CA2: variants seen among roughly 807,000 people sequenced by gnomAD.
CA2 encodes carbonate dehydratase II.
A neutral mutation model predicts 27.8 loss-of-function variants in CA2; 23 were observed. That is an observed-to-expected ratio of 0.83 (90% CI 0.59 to 1.17). CA2 has a LOEUF of 1.17. CA2 is among the 50% of genes most tolerant of loss of function. CA2 has a pLI of 0.00. For synonymous variants in CA2, 99 were observed against 114.9 expected, an observed-to-expected ratio of 0.86 and a Z score of 0.88; for missense variants, 300 against 314.7, an observed-to-expected ratio of 0.95 and a Z score of 0.35.
chr8:85,478,591 C>T (rs1328185872), intron 6 of CA2, among the ~76,000 whole-genome samples: 1 of 152,162 alleles, frequency 6.6e-6, no homozygotes, highest in East Asian at 1.9e-4. Context: ...GGCAGAAATA[C>T]ACATATAGAT....
chr8:85,476,994 A>G (rs1811810835), intron 5 of CA2, 126 bp from the exon 6 acceptor site: 1 of 867,666 alleles, frequency 1.2e-6, no homozygotes, highest in Non-Finnish European at 2.0e-6. Flanking sequence ...TGAATATAGA[A>G]CCTCTTTTTT....
intron 6 of CA2, 57 bp from the exon 7 acceptor site, chr8:85,480,613 A>G (rs1563436716): frequency 5.8e-6 from 9 of 1,544,544 alleles, no homozygotes; most frequent in Non-Finnish European, 8.0e-6. Flanking sequence ...TAACACAAGT[A>G]TATAACTGAA....
At position 85,468,799 on chromosome 8, in the gene CA2, C is replaced by A. The variant is rs188575522; in HGVS notation, c.232+3330C>A. Among the ~76,000 whole-genome samples the A allele has an allele frequency of 4.6e-4, 69 of 150,758 alleles. 2 individuals are homozygous for A. Among genetic ancestry groups the A allele is most frequent in the Admixed American group, 3.5e-3 (53 of 15,144 alleles). On this transcript the variant is annotated intron_variant, in intron 2 of 6. Coordinates refer to ENST00000285379, the MANE Select transcript of CA2 (RefSeq NM_000067.3). ...ACAAAAAACCACACACACACACACA[C>A]AAAACCATGTGGAAAAACTCCCTTT...
intron 4 of CA2, 73 bp downstream of exon 4, chr8:85,474,489 A>T: frequency 9.0e-7 from 1 of 1,109,464 alleles, no homozygotes; most frequent in Non-Finnish European, 1.4e-6. Context: ...TTTGTAACAT[A>T]CAGGACATTC....
At chr8:85,478,825 A>G (rs1474517480) in intron 6 of CA2, among the ~76,000 whole-genome samples, 10 of 152,200 alleles carry the variant, frequency 6.6e-5, no homozygotes, top group Admixed American at 2.0e-4. Context: ...GGCCTTGCCA[A>G]TTGGTGACTT....
intron 5 of CA2, among the ~76,000 whole-genome samples, chr8:85,476,387 G>A (rs80207957): frequency 0.017 from 2,612 of 152,178 alleles, 37 homozygotes; most frequent in South Asian, 0.034. Context: ...AGTCACTTCC[G>A]GTGATGGGGA....
Position 85,474,798 on chromosome 8 carries a change from C to T in CA2, c.444+382C>T, listed in dbSNP as rs544289864. On this transcript the variant is annotated intron_variant, in intron 4 of 6. Transcript: ENST00000285379. ...ATTTCAGGCAACAGTGGGACAGAACCGGTTGAGCTGCCCTCTAAACAGTGG... is the reference window on the plus strand; with the variant it reads ...ATTTCAGGCAACAGTGGGACAGAACTGGTTGAGCTGCCCTCTAAACAGTGG... Among the ~76,000 whole-genome samples, 5 of 152,178 alleles carry T rather than the reference C, an allele frequency of 3.3e-5. No individual in the cohort carries two copies. In the East Asian group the frequency reaches 5.8e-4, roughly 18 times the overall value.
chr8:85,473,428 A>G lies in CA2; in HGVS notation c.233-265A>G, dbSNP rs371843307. 231 of 572,754 alleles carry G rather than the reference A, an allele frequency of 4.0e-4. 2 individuals carry two copies. Among genetic ancestry groups the G allele is most frequent in the South Asian group, 3.1e-3 (203 of 65,658 alleles). 35.5% of individuals were successfully genotyped at this position (572,754 alleles called of 1,614,324 possible). A position where few individuals can be genotyped will look rare whatever the true frequency, so the allele number is the denominator to read the frequency against. ...ATGCTCAGAAAGAAAGATGTGAAAA[A>G]CATCCATTCTCCAGACAACGCATGT... is the stretch of plus-strand genomic sequence containing the variant. On this transcript the variant is annotated intron_variant, in intron 2 of 6. Transcript: ENST00000285379.
At chr8:85,474,959 A>G (rs1463908886) in intron 4 of CA2, among the ~76,000 whole-genome samples, 1 of 152,134 alleles carries the variant, frequency 6.6e-6, no homozygotes, top group Non-Finnish European at 1.5e-5. Flanking sequence ...CCAGGGAGCA[A>G]TCCTGAGAAA....
At chr8:85,465,224 G>T in intron 1 of CA2, 48 bp from the exon 2 acceptor site, 3 of 1,465,168 alleles carry the variant, frequency 2.0e-6, no homozygotes, top group Non-Finnish European at 1.9e-6. Context: ...AGGGGTCTGG[G>T]TGTACCTTTC....
chr8:85,473,399 C>T, intron 2 of CA2: 1 of 513,128 alleles, frequency 1.9e-6, no homozygotes, highest in Non-Finnish European at 3.8e-6. Flanking sequence ...AAAAAGGAAT[C>T]AGTATGCTCA....
Position 85,480,351 on chromosome 8 carries a change from A to G in CA2, c.664-319A>G, listed in dbSNP as rs935649088. Among the ~76,000 whole-genome samples the G allele has an allele frequency of 3.9e-5, 6 of 151,960 alleles. No individual in the cohort carries two copies. In the South Asian group the frequency reaches 8.3e-4, roughly 21 times the overall value. ...TCAGCTCATTGCAATCTCTGCCTCC[A>G]GGGTTTAAATGATTCTTGTGCCTTA... is the stretch of plus-strand genomic sequence containing the variant. On this transcript the variant is annotated intron_variant, in intron 6 of 6. Coordinates refer to ENST00000285379, the MANE Select transcript of CA2 (RefSeq NM_000067.3).
At chr8:85,477,571 A>T (rs1285526957) in intron 6 of CA2, among the ~76,000 whole-genome samples, 1 of 149,666 alleles carries the variant, frequency 6.7e-6, no homozygotes, top group Non-Finnish European at 1.5e-5. Flanking sequence ...AGTTATGAGG[A>T]AACTAAGGCT....
At chr8:85,467,564 CT>C (rs1390517612) in intron 2 of CA2, among the ~76,000 whole-genome samples, 3 of 152,218 alleles carry the variant, frequency 2.0e-5, no homozygotes, top group Non-Finnish European at 4.4e-5. Context: ...TCTGAATAAA[CT>C]TTTTCTTTAA....
chr8:85,473,438 T>C, intron 2 of CA2: 1 of 594,630 alleles, frequency 1.7e-6, no homozygotes, highest in South Asian at 1.5e-5. Flanking sequence ...ACATCCATTC[T>C]CCAGACAACG....
At chr8:85,472,485 T>C (rs1360990254) in intron 2 of CA2, among the ~76,000 whole-genome samples, 1 of 152,180 alleles carries the variant, frequency 6.6e-6, no homozygotes, top group Non-Finnish European at 1.5e-5. Flanking sequence ...TTGTAGCCGA[T>C]GGATGTGATT....
At chr8:85,464,239 G>C (rs1044656742) in intron 1 of CA2, 124 bp downstream of exon 1, 84 of 857,362 alleles carry the variant, frequency 9.8e-5, no homozygotes, top group Middle Eastern at 6.4e-4. Flanking sequence ...GCGGCCGCGG[G>C]GAGTGCTGGA....
At chr8:85,465,250 T>C in intron 1 of CA2, 22 bp from the exon 2 acceptor site, 1 of 1,595,652 alleles carries the variant, frequency 6.3e-7, no homozygotes. Flanking sequence ...AATGGGGGAT[T>C]CACATGTCTT....
At chr8:85,474,069 A>C in intron 3 of CA2, 2 of 605,946 alleles carry the variant, frequency 3.3e-6, no homozygotes, top group South Asian at 4.1e-5. Context: ...TTTAACAGAA[A>C]TTTAGAAATA....
Sources: allele counts gnomAD v4.1 joint callset (sites outside exome capture counted in the v4.1 genomes callset), GRCh38; gene constraint gnomAD v4.1.1; transcripts MANE v1.5; gene names NCBI Gene and HGNC (gene_info 2026-07-23, HGNC 2026-07-21).